The following EIF2AK4 variants were observed in gnomAD, a reference collection of about 807,000 sequenced individuals.
EIF2AK4 encodes eukaryotic translation initiation factor 2 alpha kinase 4.
In EIF2AK4, 139 loss-of-function variants were observed where a neutral mutation model predicts 211.1. The ratio of observed to expected loss-of-function variants is 0.66; its 90% CI spans 0.57 to 0.76. The LOEUF (loss-of-function observed/expected upper bound fraction) is 0.76. EIF2AK4 is among the 30% of genes least tolerant of loss of function. EIF2AK4 has a pLI of 0.00. For missense variants in EIF2AK4, 1,664 were observed against 2,043.8 expected (o/e 0.81, Z 3.58); for synonymous variants, 710 against 751.3 (o/e 0.94, Z 0.90).
chr15:40,017,508 T>C (rs1177871751), intron 29 of EIF2AK4, among the ~76,000 whole-genome samples: 4 of 6,486 alleles, frequency 6.2e-4, no homozygotes, highest in African/African-American at 1.2e-3. Flanking sequence ...TTTCTATATA[T>C]ATATATATAT....
intron 3 of EIF2AK4, among the ~76,000 whole-genome samples, chr15:39,944,522 C>T (rs879400672): frequency 4.0e-5 from 6 of 150,952 alleles, no homozygotes; most frequent in Non-Finnish European, 8.8e-5. Flanking sequence ...AGCTCCGCCT[C>T]CCGGGTTCGC....
At position 40,002,752 on chromosome 15, in the gene EIF2AK4, G is replaced by A; in HGVS notation, c.3199G>A (p.Val1067Met). 6.2e-7 allele frequency: 1 copy of A among 1,614,198 alleles called. No individual in the cohort carries two copies. The highest frequency in any genetic ancestry group is 8.5e-7 in the Non-Finnish European group (1 of 1,180,032). Reference sequence around the variant, plus strand: ...CCGTACAGCCAAGATGCAGCAGCATGTGTGTGAAACCATCATCCGCATCTT... The same window carrying A: ...CCGTACAGCCAAGATGCAGCAGCATATGTGTGAAACCATCATCCGCATCTT... The part of the protein sequence containing the change: ...SIRTAKMQQH[V>M]CETIIRIFKR... The change falls in exon 22 of 39, where the codon GTG (valine) becomes ATG (methionine). Residue 1067 changes from valine to methionine, a missense_variant. Transcript: ENST00000263791.
In EIF2AK4 at chr15:40,016,636, T is replaced by C. The variant is rs2035306005; in HGVS notation, c.3894T>C (p.Val1298=). The change falls in exon 28 of 39, where the codon GTT becomes GTC. Residue 1298 remains valine, a synonymous_variant. Coordinates refer to ENST00000263791, the MANE Select transcript of EIF2AK4 (RefSeq NM_001013703.4). ...VKYGLKDLEE[V]VGLLKKLGIK... is the part of the protein sequence containing the mutation. ...ATGGCTTAAAAGACCTAGAGGAGGT[T>C]GTTGGACTGTTGAAGAAACTCGGCA... 1 of 1,614,210 alleles carries C rather than the reference T, an allele frequency of 6.2e-7. No individual in the cohort carries two copies.
At chr15:39,945,917 C>G (rs2034221396) in intron 3 of EIF2AK4, among the ~76,000 whole-genome samples, 1 of 152,116 alleles carries the variant, frequency 6.6e-6, no homozygotes, top group African/African-American at 2.4e-5. Flanking sequence ...GCAGGGTTTA[C>G]TGAGTATTTT....
At chr15:39,993,529 G>A (rs1231300555) in intron 18 of EIF2AK4, among the ~76,000 whole-genome samples, 3 of 152,186 alleles carry the variant, frequency 2.0e-5, no homozygotes, top group African/African-American at 7.2e-5. Context: ...GCCAGGGAGG[G>A]AGATGGTAAG....
chr15:39,992,454 C>T (rs902585802), intron 17 of EIF2AK4: 2 of 530,264 alleles, frequency 3.8e-6, no homozygotes, highest in Non-Finnish European at 6.6e-6. Context: ...ATAATTGGCT[C>T]CCAGGGGTAG....
In EIF2AK4 at chr15:39,967,489, C is replaced by T; in HGVS notation, c.1163C>T (p.Ala388Val). ...GAGCACATTAGTGGGGTCTCTCTTG[C>T]TGCACACCTGAGCCACTCAGGCCCC... Reference protein sequence around the residue: ...LVEHISGVSLAAHLSHSGPIP... With the variant: ...LVEHISGVSLVAHLSHSGPIP... Residue 388 changes from alanine (A) to valine (V), a missense_variant, in exon 9 of 39, where the codon GCT becomes GTT. Ala to Val is a moderately conservative substitution (Grantham distance 64, BLOSUM62 0). Around this residue, in one of 7 missense-constraint regions of EIF2AK4, gnomAD observed 641 missense variants for 729.6 expected, o/e 0.88. Transcript: ENST00000263791. 6.2e-7 allele frequency: 1 copy of T among 1,614,142 alleles called. No individual in the cohort carries two copies. The highest frequency in any genetic ancestry group is 8.5e-7 in the Non-Finnish European group (1 of 1,180,026).
At chr15:40,023,725 G>A (rs926619343) in intron 32 of EIF2AK4, among the ~76,000 whole-genome samples, 5 of 152,100 alleles carry the variant, frequency 3.3e-5, no homozygotes, top group Non-Finnish European at 7.4e-5. Flanking sequence ...CCAGCTTTTG[G>A]TGTCATTGAT....
chr15:39,960,983 T>C (rs2034463886), intron 6 of EIF2AK4, among the ~76,000 whole-genome samples: 2 of 152,142 alleles, frequency 1.3e-5, no homozygotes, highest in African/African-American at 2.4e-5. Context: ...CATCGAAGTG[T>C]TTCTGATAAG....
At chr15:39,946,727 T>G (rs2034233025) in intron 3 of EIF2AK4, 1 of 690,206 alleles carries the variant, frequency 1.4e-6, no homozygotes, top group Admixed American at 2.0e-5. Context: ...CATTGTTGTC[T>G]TCTTTTAAGA....
rs767825116 is a variant in EIF2AK4, at chr15:39,976,447, G to C, written c.1852G>C (p.Val618Leu). The C allele has an allele frequency of 1.2e-6, 2 of 1,609,376 alleles. No homozygotes were observed. The highest frequency in any genetic ancestry group is 1.7e-6 in the Non-Finnish European group (2 of 1,178,586). ...QNKLDGCCYAVKRIPINPASR... is the reference protein window; with the variant it reads ...QNKLDGCCYALKRIPINPASR... ...CAAGTTGGACGGCTGCTGCTACGCA[G>C]TGAAGCGCATCCCCATCAACCCGGC... The change falls in exon 12 of 39, where the codon GTG (valine) becomes CTG (leucine). Residue 618 changes from valine (V) to leucine (L), a missense_variant. Physicochemically the swap from Val to Leu is conservative, Grantham distance 32. Coordinates refer to ENST00000263791, the MANE Select transcript of EIF2AK4 (RefSeq NM_001013703.4).
Position 40,008,195 on chromosome 15 carries a change from G to T in EIF2AK4, c.3576G>T (p.Gln1192His). The change falls in exon 25 of 39, where the codon CAG (glutamine) becomes CAT (histidine). Residue 1192 changes from glutamine (Q) to histidine (H), a missense_variant and splice_region_variant. By Grantham distance (24) the Gln-to-His change is conservative. This residue lies in a region of EIF2AK4 where 622 missense variants were observed against 796.8 expected (regional missense o/e 0.78). Transcript: ENST00000263791. ...TCATCCAAGAGTTTCCAGCACTTCA[G>T]GTTCCTTTCCATATTTTAACATTCC... ...YEIIQEFPAL[Q>H]ERNYSIYLNH... The T allele has an allele frequency of 6.3e-7, 1 of 1,587,450 alleles. No homozygotes were observed. The highest frequency in any genetic ancestry group is 1.8e-5 in the Admixed American group (1 of 54,074).
At chr15:39,989,233 A>G (rs2034909373) in intron 15 of EIF2AK4, among the ~76,000 whole-genome samples, 1 of 152,348 alleles carries the variant, frequency 6.6e-6, no homozygotes, top group Admixed American at 6.5e-5. Context: ...CTTCAGGATG[A>G]AACACTGCTT....
chr15:39,991,136 G>A (rs2034938759), intron 16 of EIF2AK4: 1 of 152,262 alleles, frequency 6.6e-6, no homozygotes, highest in Admixed American at 6.5e-5. Context: ...TTAATTCCAA[G>A]GGTGATCAGG....
At position 39,972,941 on chromosome 15, in the gene EIF2AK4, TC is replaced by T. The variant is rs1461019584; in HGVS notation, c.1591del (p.Gln531SerfsTer4). The stretch of plus-strand genomic sequence containing the variant: ...GCTTGGATGACAAGGAAAGATGGAG[TC>T]CCCAGCAGTTGTTGAAACACAGCTT... ...VCLDDKERWS[P>X]QQLLKHSFIN... On this transcript the variant is annotated frameshift_variant, in exon 10 of 39. Coordinates refer to ENST00000263791, the MANE Select transcript of EIF2AK4 (RefSeq NM_001013703.4). LOFTEE classifies it high-confidence loss of function. The T allele has an allele frequency of 6.2e-7, 1 of 1,613,562 alleles. No individual in the cohort carries two copies. The highest frequency in any genetic ancestry group is 8.5e-7 in the Non-Finnish European group (1 of 1,179,884).
intron 27 of EIF2AK4, among the ~76,000 whole-genome samples, chr15:40,014,788 G>A (rs1420716099): frequency 6.6e-6 from 1 of 152,158 alleles, no homozygotes; most frequent in African/African-American, 2.4e-5. Flanking sequence ...CTGTCTCATT[G>A]TCAGGCTGCA....
chr15:40,030,155 A>G (rs982489730), intron 34 of EIF2AK4, among the ~76,000 whole-genome samples: 1 of 152,132 alleles, frequency 6.6e-6, no homozygotes, highest in Non-Finnish European at 1.5e-5. Flanking sequence ...GGAGAGAAGC[A>G]TCAAAACTGC....
rs758628535 is a variant in EIF2AK4, at chr15:40,016,641, G to C, written c.3899G>C (p.Gly1300Ala). 1 of 1,614,188 alleles carries C rather than the reference G, an allele frequency of 6.2e-7. No homozygotes were observed. Among genetic ancestry groups the C allele is most frequent in the Non-Finnish European group, 8.5e-7 (1 of 1,180,032 alleles). The change falls in exon 28 of 39, where the codon GGA (glycine) becomes GCA (alanine). Residue 1300 changes from glycine to alanine, a missense_variant. By Grantham distance (60) the Gly-to-Ala change is moderately conservative. Around this residue, in one of 7 missense-constraint regions of EIF2AK4, gnomAD observed 622 missense variants for 796.8 expected, o/e 0.78. Coordinates refer to ENST00000263791, the MANE Select transcript of EIF2AK4 (RefSeq NM_001013703.4). ...TTAAAAGACCTAGAGGAGGTTGTTGGACTGTTGAAGAAACTCGGCATCAAG... is the reference window on the plus strand; with the variant it reads ...TTAAAAGACCTAGAGGAGGTTGTTGCACTGTTGAAGAAACTCGGCATCAAG... Reference protein sequence around the residue: ...YGLKDLEEVVGLLKKLGIKLQ... With the variant: ...YGLKDLEEVVALLKKLGIKLQ...
intron 13 of EIF2AK4, among the ~76,000 whole-genome samples, chr15:39,983,718 A>G (rs946497837): frequency 1.3e-5 from 2 of 152,228 alleles, no homozygotes; most frequent in African/African-American, 4.8e-5. Context: ...CTGGGATTAC[A>G]GGCATGAGCC....
Sources: gnomAD v4.1 joint callset for allele counts (sites outside exome capture counted in the v4.1 genomes callset) on GRCh38, gnomAD v4.1.1 for gene constraint, gnomAD v4.1.1 regional missense constraint, MANE v1.5 for transcripts, NCBI Gene and HGNC (gene_info 2026-07-23, HGNC 2026-07-21) for gene names.